The following PDE3B variants were observed in gnomAD, a reference collection of about 807,000 sequenced individuals.
The protein encoded by PDE3B is phosphodiesterase 3B.
PDE3B carries 66 observed loss-of-function variants against 116.8 expected under a neutral mutation model. That is an observed-to-expected ratio of 0.56 (90% CI 0.46 to 0.69). PDE3B has a LOEUF of 0.69. Among genes scored for constraint, PDE3B ranks in the 30% least tolerant of loss-of-function variants. The pLI is 0.00. For synonymous variants in PDE3B, 595 were observed against 533.6 expected (o/e 1.12, Z -1.59); for missense variants, 1,384 against 1,368.1 (o/e 1.01, Z -0.18).
the PDE3B span, among the ~76,000 whole-genome samples, chr11:14,892,404 G>C: frequency 2.0e-5 from 3 of 152,208 alleles, no homozygotes; most frequent in South Asian, 2.1e-4. Context: ...TTTGCGGAGC[G>C]GGTGGCCGGT....
At chr11:14,765,245 A>G (rs906092620) in intron 1 of PDE3B, among the ~76,000 whole-genome samples, 1 of 151,990 alleles carries the variant, frequency 6.6e-6, no homozygotes, top group Admixed American at 6.6e-5. Context: ...TAAATTTCAC[A>G]TAAATATAAC....
the PDE3B span, among the ~76,000 whole-genome samples, chr11:14,894,410 C>A: frequency 6.6e-6 from 1 of 152,136 alleles, no homozygotes; most frequent in African/African-American, 2.4e-5. Flanking sequence ...CTTTGCAACA[C>A]CAGGAGGCTT....
intron 12 of PDE3B, among the ~76,000 whole-genome samples, chr11:14,846,601 T>G (rs1478298001): frequency 6.6e-6 from 1 of 151,690 alleles, no homozygotes; most frequent in South Asian, 2.1e-4. Context: ...ACCCATCTCA[T>G]GTGCAGAGAC....
At chr11:14,825,128 G>A (rs1859647378) in intron 7 of PDE3B, among the ~76,000 whole-genome samples, 1 of 152,104 alleles carries the variant, frequency 6.6e-6, no homozygotes, top group Non-Finnish European at 1.5e-5. Context: ...ACTTAAAAGA[G>A]ATCTTGAAAA....
At chr11:14,681,572 CGTGAGAACAGA>C (rs1854710469) in intron 1 of PDE3B, among the ~76,000 whole-genome samples, 1 of 152,052 alleles carries the variant, frequency 6.6e-6, no homozygotes, top group Non-Finnish European at 1.5e-5. Flanking sequence ...TTATTAGCAG[CGTGAGAACAGA>C]CTAATATACA....
chr11:14,868,952 C>T (rs571488014), intron 15 of PDE3B, among the ~76,000 whole-genome samples: 1 of 151,612 alleles, frequency 6.6e-6, no homozygotes, highest in Non-Finnish European at 1.5e-5. Flanking sequence ...ACCCATGAGG[C>T]GGAGGTTCCA....
the PDE3B span, chr11:14,891,689 A>C: frequency 1.1e-5 from 13 of 1,190,374 alleles, no homozygotes; most frequent in Non-Finnish European, 1.4e-5. Context: ...CAAACGGCGC[A>C]GGCGCAGGAG....
At chr11:14,679,032 TG>T (rs1854615930) in intron 1 of PDE3B, among the ~76,000 whole-genome samples, 1 of 152,228 alleles carries the variant, frequency 6.6e-6, no homozygotes, top group Non-Finnish European at 1.5e-5. Flanking sequence ...CGAATGGCTT[TG>T]GCACCTTTGT....
At chr11:14,730,718 T>C (rs889453296) in intron 1 of PDE3B, among the ~76,000 whole-genome samples, 2 of 152,178 alleles carry the variant, frequency 1.3e-5, no homozygotes, top group African/African-American at 4.8e-5. Flanking sequence ...TCCCTTCTTC[T>C]GAAAGATATA....
chr11:14,686,057 A>G lies in PDE3B; in HGVS notation c.978+41004A>G, dbSNP rs566754967. ...CCAGTCTTCATGCTTTAAATGTTGA[A>G]GTTCTTCAGTTTTGTACAGGTAAAA... On this transcript the variant is annotated intron_variant, in intron 1 of 15. Coordinates refer to ENST00000282096, the MANE Select transcript of PDE3B (RefSeq NM_000922.4). Among the ~76,000 whole-genome samples the G allele has an allele frequency of 2.0e-4, 31 of 152,292 alleles. No homozygotes were observed. In the South Asian group the frequency reaches 6.2e-3, roughly 31 times the overall value.
chr11:14,756,772 C>G (rs1857191707), intron 1 of PDE3B, among the ~76,000 whole-genome samples: 1 of 150,934 alleles, frequency 6.6e-6, no homozygotes, highest in African/African-American at 2.4e-5. Flanking sequence ...TAATAGCATA[C>G]TGACACACAA....
chr11:14,690,640 G>GC (rs1162690051), intron 1 of PDE3B, among the ~76,000 whole-genome samples: 28 of 148,264 alleles, frequency 1.9e-4, no homozygotes, highest in African/African-American at 6.5e-4. Context: ...TTTAAAGAAG[G>GC]CCCCCTAAAT....
chr11:14,783,782 G>A (rs1484546886), intron 2 of PDE3B, among the ~76,000 whole-genome samples: 3 of 151,806 alleles, frequency 2.0e-5, no homozygotes, highest in African/African-American at 4.8e-5. Flanking sequence ...AAGAATGAAG[G>A]GGAAAACATT....
At chr11:14,658,234 G>A (rs570010217) in intron 1 of PDE3B, among the ~76,000 whole-genome samples, 29 of 152,244 alleles carry the variant, frequency 1.9e-4, no homozygotes, top group Non-Finnish European at 3.8e-4. Context: ...TTTAGCAACA[G>A]TTCTTCCTCA....
chr11:14,744,878 T>TA (rs1461011082), intron 1 of PDE3B, among the ~76,000 whole-genome samples: 1 of 152,208 alleles, frequency 6.6e-6, no homozygotes, highest in Non-Finnish European at 1.5e-5. Context: ...TGACAATGAA[T>TA]AAAAGCCCAG....
At chr11:14,756,300 T>C (rs925859050) in intron 1 of PDE3B, among the ~76,000 whole-genome samples, 1 of 152,174 alleles carries the variant, frequency 6.6e-6, no homozygotes, top group African/African-American at 2.4e-5. Flanking sequence ...TACACTCCAA[T>C]GGACTAGTTG....
the PDE3B span, chr11:14,885,987 C>A: frequency 1.3e-6 from 2 of 1,492,100 alleles, no homozygotes; most frequent in Non-Finnish European, 1.9e-6. Flanking sequence ...TGGAAATCTA[C>A]AAGTGGTAAG....
At chr11:14,815,220 A>G (rs1245667336) in intron 5 of PDE3B, among the ~76,000 whole-genome samples, 3 of 152,216 alleles carry the variant, frequency 2.0e-5, no homozygotes, top group African/African-American at 7.2e-5. Context: ...GAACTTTGTC[A>G]GTGGAAGAAT....
intron 4 of PDE3B, among the ~76,000 whole-genome samples, chr11:14,794,899 A>C (rs754930578): frequency 7.9e-5 from 12 of 152,176 alleles, no homozygotes; most frequent in Non-Finnish European, 1.8e-4. Flanking sequence ...GAGGAGATAC[A>C]AAGGACAGGT....
Sources: allele counts gnomAD v4.1 joint callset (sites outside exome capture counted in the v4.1 genomes callset), GRCh38; gene constraint gnomAD v4.1.1; transcripts MANE v1.5; gene names NCBI Gene and HGNC (gene_info 2026-07-23, HGNC 2026-07-21).